The following XKR9 variants were observed in gnomAD, a reference collection of about 807,000 sequenced individuals.
The protein encoded by XKR9 is XK-related protein 9.
A neutral mutation model predicts 32.0 loss-of-function variants in XKR9; 32 were observed. The observed-to-expected ratio is 1.00, with a 90% CI of 0.76 to 1.34. The LOEUF (loss-of-function observed/expected upper bound fraction) is 1.34. XKR9 is among the 40% of genes most tolerant of loss of function. The pLI, the probability that XKR9 is intolerant of heterozygous loss-of-function variation, is 0.00. For synonymous variants in XKR9, 168 were observed against 143.4 expected (o/e 1.17, Z -1.22); for missense variants, 546 against 429.7 (o/e 1.27, Z -2.39).
At chr8:70,771,341 G>A (rs774404996) in intron 2 of XKR9, among the ~76,000 whole-genome samples, 4 of 152,174 alleles carry the variant, frequency 2.6e-5, no homozygotes, top group Non-Finnish European at 4.4e-5. Context: ...CTGCAGACTG[G>A]AGCTGTTCCT....
chr8:71,010,998 T>A, the XKR9 span, among the ~76,000 whole-genome samples: 2 of 152,152 alleles, frequency 1.3e-5, no homozygotes, highest in Admixed American at 6.5e-5. Context: ...AATCATATGT[T>A]TAATTACGAT....
At chr8:70,807,301 T>C in the XKR9 span, among the ~76,000 whole-genome samples, 7 of 152,086 alleles carry the variant, frequency 4.6e-5, no homozygotes, top group South Asian at 1.4e-3. Flanking sequence ...TACCAGCCAC[T>C]GCAAAAACAC....
the XKR9 span, among the ~76,000 whole-genome samples, chr8:70,889,845 C>A: frequency 1.3e-5 from 2 of 151,702 alleles, no homozygotes; most frequent in Non-Finnish European, 3.0e-5. Context: ...GTTGATTCCA[C>A]GTCTTTGCTA....
the XKR9 span, among the ~76,000 whole-genome samples, chr8:70,811,292 T>C: frequency 2.0e-5 from 3 of 152,166 alleles, no homozygotes; most frequent in South Asian, 4.1e-4. Flanking sequence ...TTCAAAGCAG[T>C]GTGTAGAGGG....
At chr8:70,754,221 C>G (rs1807184658) in intron 2 of XKR9, among the ~76,000 whole-genome samples, 1 of 147,978 alleles carries the variant, frequency 6.8e-6, no homozygotes, top group Non-Finnish European at 1.5e-5. Flanking sequence ...TGTGAAGGAT[C>G]TCTTCAAGGA....
At chr8:70,942,486 T>C in the XKR9 span, among the ~76,000 whole-genome samples, 1 of 151,804 alleles carries the variant, frequency 6.6e-6, no homozygotes, top group Admixed American at 6.6e-5. Context: ...GTCCAAGGGG[T>C]TGGGTGAATT....
At chr8:71,048,738 CTTTA>C in the XKR9 span, among the ~76,000 whole-genome samples, 17 of 152,260 alleles carry the variant, frequency 1.1e-4, no homozygotes, top group African/African-American at 3.6e-4. Context: ...AAAGATTTCT[CTTTA>C]TTTATAATAA....
the XKR9 span, among the ~76,000 whole-genome samples, chr8:70,966,349 A>G: frequency 2.6e-5 from 4 of 152,116 alleles, no homozygotes; most frequent in Non-Finnish European, 5.9e-5. Context: ...CCTGGGTTCA[A>G]GTGATTCTCA....
At chr8:70,876,803 A>G in the XKR9 span, among the ~76,000 whole-genome samples, 16 of 152,270 alleles carry the variant, frequency 1.1e-4, 1 homozygote, top group South Asian at 1.0e-3. Flanking sequence ...TTGTTTTTAT[A>G]CAACTTGTGT....
chr8:70,941,859 A>G, the XKR9 span, among the ~76,000 whole-genome samples: 1 of 152,146 alleles, frequency 6.6e-6, no homozygotes, highest in African/African-American at 2.4e-5. Flanking sequence ...TTATTTGAGT[A>G]TACATATTTG....
chr8:70,741,346 A>G (rs779797261), intron 2 of XKR9, among the ~76,000 whole-genome samples: 2 of 152,186 alleles, frequency 1.3e-5, no homozygotes, highest in Non-Finnish European at 1.5e-5. Flanking sequence ...TGATAGAGCA[A>G]AGAGGCCCTC....
chr8:70,784,246 C>G (rs905072109), intron 2 of XKR9, among the ~76,000 whole-genome samples: 2 of 151,894 alleles, frequency 1.3e-5, no homozygotes. Context: ...TAAAAATGAC[C>G]CTGGAATTTT....
chr8:70,740,224 T>C (rs1806946200), downstream of XKR9, among the ~76,000 whole-genome samples: 1 of 152,210 alleles, frequency 6.6e-6, no homozygotes, highest in African/African-American at 2.4e-5. Flanking sequence ...CATTTCATCT[T>C]CCATCACTGA....
the XKR9 span, among the ~76,000 whole-genome samples, chr8:70,819,209 G>A: frequency 6.6e-6 from 1 of 152,142 alleles, no homozygotes; most frequent in Non-Finnish European, 1.5e-5. Context: ...ACCTTCAGCT[G>A]CCCCTTTGTG....
intron 1 of XKR9, among the ~76,000 whole-genome samples, chr8:70,671,609 T>G (rs1469828186): frequency 1.2e-5 from 1 of 80,742 alleles, no homozygotes; most frequent in African/African-American, 3.7e-5. Flanking sequence ...TTGCGATAGT[T>G]TACTGAGAAT....
intron 3 of XKR9, among the ~76,000 whole-genome samples, chr8:70,697,710 G>A (rs1357095385): frequency 2.0e-5 from 3 of 151,846 alleles, no homozygotes; most frequent in Non-Finnish European, 4.4e-5. Flanking sequence ...AAATGAGTTA[G>A]GGAGGATTCC....
chr8:70,704,582 A>C (rs1408704229), intron 3 of XKR9, among the ~76,000 whole-genome samples: 1 of 152,174 alleles, frequency 6.6e-6, no homozygotes, highest in African/African-American at 2.4e-5. Context: ...TGGAGCCAGA[A>C]TTTGAACCAC....
chr8:70,698,052 T>G lies in XKR9; in HGVS notation c.273-8881T>G, dbSNP rs1195392769. On this transcript the variant is annotated intron_variant, in intron 3 of 4. Coordinates refer to ENST00000408926, the MANE Select transcript of XKR9 (RefSeq NM_001011720.2). Reference sequence around the variant, plus strand: ...GATATCCCCTTTATCATTTTTTATTTCGTCTATTTGATTCTTCTCTCTTTT... The same window carrying G: ...GATATCCCCTTTATCATTTTTTATTGCGTCTATTTGATTCTTCTCTCTTTT... Among the ~76,000 whole-genome samples, 676 of 149,232 alleles carry G rather than the reference T, an allele frequency of 4.5e-3. 3 individuals are homozygous for G. Among genetic ancestry groups the G allele is most frequent in the African/African-American group, 0.014 (558 of 39,886 alleles).
chr8:70,878,401 C>G, the XKR9 span, among the ~76,000 whole-genome samples: 8 of 152,074 alleles, frequency 5.3e-5, no homozygotes, highest in African/African-American at 1.9e-4. Flanking sequence ...GTGCTATATT[C>G]AGGAGACCCA....
Sources: gnomAD v4.1 joint callset for allele counts (sites outside exome capture counted in the v4.1 genomes callset) on GRCh38, gnomAD v4.1.1 for gene constraint, MANE v1.5 for transcripts, NCBI Gene and HGNC (gene_info 2026-07-23, HGNC 2026-07-21) for gene names.